The following TBXAS1 variants were observed in gnomAD, a reference collection of about 807,000 sequenced individuals.
The protein encoded by TBXAS1 is thromboxane A synthase 1.
A neutral mutation model predicts 60.7 loss-of-function variants in TBXAS1; 48 were observed. The observed-to-expected ratio is 0.79, with a 90% CI of 0.63 to 1.01. TBXAS1 has a LOEUF of 1.01. TBXAS1 is among the 50% of genes least tolerant of loss of function. The probability of loss-of-function intolerance (pLI) is 0.00; values close to 1 mark genes in which losing one functional copy is unlikely to be tolerated. For synonymous variants in TBXAS1, 287 were observed against 269.7 expected (o/e 1.06, Z -0.63); for missense variants, 685 against 686.3 (o/e 1.00, Z 0.02).
intron 10 of TBXAS1, among the ~76,000 whole-genome samples, chr7:140,014,410 G>T (rs1389738258): frequency 1.3e-5 from 2 of 152,202 alleles, no homozygotes. Flanking sequence ...TGGGGTTCAG[G>T]CTGGGGCTGA....
At chr7:139,992,094 A>G (rs2117604813) in intron 9 of TBXAS1, among the ~76,000 whole-genome samples, 1 of 152,324 alleles carries the variant, frequency 6.6e-6, no homozygotes, top group Non-Finnish European at 1.5e-5. Flanking sequence ...AATATGGCAC[A>G]AGGGGGTATG....
chr7:139,872,461 CCTGA>C, intron 2 of TBXAS1, 133 bp downstream of exon 2: 1 of 803,000 alleles, frequency 1.2e-6, no homozygotes, highest in Non-Finnish European at 2.1e-6. Flanking sequence ...TCGAGACCAG[CCTGA>C]CCAACATGGT....
chr7:139,825,262 A>G (rs942478507), upstream of TBXAS1, among the ~76,000 whole-genome samples: 2 of 152,128 alleles, frequency 1.3e-5, no homozygotes, highest in African/African-American at 4.8e-5. Context: ...ATTGCATCAC[A>G]GGTACCAAAA....
At chr7:139,979,807 G>A (rs1055265337) in intron 9 of TBXAS1, among the ~76,000 whole-genome samples, 1 of 150,818 alleles carries the variant, frequency 6.6e-6, no homozygotes, top group Non-Finnish European at 1.5e-5. Flanking sequence ...CAGCTAAGAA[G>A]TATACTGTTG....
At chr7:139,781,174 T>C (rs911718274) in intron 2 of TBXAS1, among the ~76,000 whole-genome samples, 1 of 152,178 alleles carries the variant, frequency 6.6e-6, no homozygotes, top group African/African-American at 2.4e-5. Flanking sequence ...ATGCATTCAA[T>C]TGAGCTAGCG....
At position 139,880,334 on chromosome 7, in the gene TBXAS1, C is replaced by T. The variant is rs374309009; in HGVS notation, c.236+4697C>T. Reference sequence around the variant, plus strand: ...ACTTCCTGGCATCCATCAGCTATGCCGCTCCATTTTGGTAAGTGGCACCTG... The same window carrying T: ...ACTTCCTGGCATCCATCAGCTATGCTGCTCCATTTTGGTAAGTGGCACCTG... On this transcript the variant is annotated intron_variant, in intron 3 of 12. Coordinates refer to ENST00000448866, the MANE Select transcript of TBXAS1 (RefSeq NM_001061.7). Among the ~76,000 whole-genome samples the T allele has an allele frequency of 1.3e-4, 20 of 152,244 alleles. 1 individual carries two copies. The highest frequency in any genetic ancestry group is 6.8e-3 in the Middle Eastern group (2 of 294).
intron 4 of TBXAS1, among the ~76,000 whole-genome samples, chr7:139,810,194 T>C (rs534236156): frequency 1.3e-5 from 2 of 152,084 alleles, no homozygotes; most frequent in South Asian, 4.2e-4. Context: ...GAGCCACCAA[T>C]GCCTGACTTT....
chr7:139,859,703 A>G (rs1327249083), intron 1 of TBXAS1, among the ~76,000 whole-genome samples: 1 of 152,252 alleles, frequency 6.6e-6, no homozygotes, highest in East Asian at 1.9e-4. Flanking sequence ...TAAGGCCTTA[A>G]TACTCGTTGA....
intron 3 of TBXAS1, among the ~76,000 whole-genome samples, chr7:139,884,910 A>T (rs1802964555): frequency 6.6e-6 from 1 of 152,192 alleles, no homozygotes; most frequent in South Asian, 2.1e-4. Context: ...CCAGGACCAG[A>T]AGCCAGACCT....
At chr7:139,787,560 T>C (rs968929698) in intron 4 of TBXAS1, 1 of 152,142 alleles carries the variant, frequency 6.6e-6, no homozygotes, top group Non-Finnish European at 1.5e-5. Flanking sequence ...GGGAGAGTGG[T>C]GACTAACAAG....
At chr7:139,862,556 T>C (rs1303238473) in intron 1 of TBXAS1, among the ~76,000 whole-genome samples, 2 of 152,148 alleles carry the variant, frequency 1.3e-5, no homozygotes, top group African/African-American at 4.8e-5. Flanking sequence ...CAAGGAAACT[T>C]ACTGGGAAGG....
chr7:139,971,112 ATCCAAGGTACCCACC>A (rs1665315170), intron 9 of TBXAS1, among the ~76,000 whole-genome samples: 1 of 152,160 alleles, frequency 6.6e-6, no homozygotes, highest in Non-Finnish European at 1.5e-5. Context: ...TTGGAAATGT[ATCCAAGGTACCCACC>A]TCCTGTCCTT....
At chr7:139,991,941 A>G (rs1231613576) in intron 9 of TBXAS1, among the ~76,000 whole-genome samples, 5 of 152,192 alleles carry the variant, frequency 3.3e-5, no homozygotes, top group Non-Finnish European at 7.4e-5. Flanking sequence ...GACCCTTCCC[A>G]TTCCCTGAGA....
At chr7:139,952,813 G>T in intron 5 of TBXAS1, 1 of 989,554 alleles carries the variant, frequency 1.0e-6, no homozygotes. Context: ...AAAGCTTAGC[G>T]GCTTAAGCAC....
At chr7:139,847,408 C>G (rs1425752029) in intron 1 of TBXAS1, among the ~76,000 whole-genome samples, 1 of 152,178 alleles carries the variant, frequency 6.6e-6, no homozygotes, top group Non-Finnish European at 1.5e-5. Flanking sequence ...TTGTTTCCTG[C>G]TCACTCTCAT....
At chr7:139,911,125 A>G (rs1261786564) in intron 3 of TBXAS1, 100 bp from the exon 4 acceptor site, 3 of 971,710 alleles carry the variant, frequency 3.1e-6, no homozygotes, top group Non-Finnish European at 5.0e-6. Context: ...TTTACTTCCT[A>G]GTTATCTTTT....
chr7:139,899,012 CT>C (rs8192822), intron 3 of TBXAS1, among the ~76,000 whole-genome samples: 4,607 of 145,632 alleles, frequency 0.032, 175 homozygotes, highest in African/African-American at 0.086. Flanking sequence ...TCTCCCTCTC[CT>C]TTTTTTTTTT....
At chr7:139,921,126 A>C (rs1024413855) in intron 4 of TBXAS1, among the ~76,000 whole-genome samples, 2 of 152,002 alleles carry the variant, frequency 1.3e-5, no homozygotes, top group African/African-American at 4.8e-5. Context: ...ACAAACCTTG[A>C]GTGTAAAGCT....
intron 9 of TBXAS1, chr7:139,962,435 A>C (rs1810447106): frequency 3.2e-6 from 2 of 622,140 alleles, no homozygotes; most frequent in Non-Finnish European, 5.5e-6. Context: ...CACAACAAAA[A>C]GACAAATTGT....
Sources: gnomAD v4.1 joint callset for allele counts (sites outside exome capture counted in the v4.1 genomes callset) on GRCh38, gnomAD v4.1.1 for gene constraint, MANE v1.5 for transcripts, NCBI Gene and HGNC (gene_info 2026-07-23, HGNC 2026-07-21) for gene names.